Variants in ZNG1F observed in about 807,000 individuals in gnomAD.
ZNG1F encodes Zn regulated GTPase metalloprotein activator 1F.
chr9:41,134,415 T>C, the ZNG1F span, among the ~76,000 whole-genome samples: 833 of 67,962 alleles, frequency 0.012, no homozygotes, highest in African/African-American at 0.04. Context: ...AATATTAACT[T>C]TAGGATTTAT....
At chr9:41,175,313 G>C in the ZNG1F span, among the ~76,000 whole-genome samples, 1 of 139,368 alleles carries the variant, frequency 7.2e-6, no homozygotes, top group Non-Finnish European at 1.5e-5. Context: ...TCCCAAAAAC[G>C]TAATAGTTTT....
At chr9:41,196,738 G>GTA in the ZNG1F span, among the ~76,000 whole-genome samples, 141 of 72,906 alleles carry the variant, frequency 1.9e-3, 6 homozygotes, top group Middle Eastern at 0.033. Flanking sequence ...GTGTGTATGT[G>GTA]TATATATATA....
At chr9:41,185,464 G>C in the ZNG1F span, among the ~76,000 whole-genome samples, 1 of 130,398 alleles carries the variant, frequency 7.7e-6, no homozygotes, top group Admixed American at 8.0e-5. Context: ...CATAAGGCCA[G>C]GAGCTCAAGA....
chr9:41,136,965 T>C, the ZNG1F span, among the ~76,000 whole-genome samples: 1 of 70,018 alleles, frequency 1.4e-5, no homozygotes, highest in African/African-American at 5.5e-5. Flanking sequence ...GTTTCATTTA[T>C]CTTTTGGATT....
the ZNG1F span, among the ~76,000 whole-genome samples, chr9:41,185,205 G>A: frequency 7.1e-6 from 1 of 141,618 alleles, no homozygotes; most frequent in African/African-American, 2.6e-5. Flanking sequence ...TATTTTCACA[G>A]ATAAAATACA....
chr9:41,186,799 AG>A, the ZNG1F span, among the ~76,000 whole-genome samples: 3 of 69,552 alleles, frequency 4.3e-5, 1 homozygote, highest in East Asian at 1.2e-3. Context: ...AAAGTTTTCT[AG>A]TATATAACTA....
At chr9:41,185,091 T>A in the ZNG1F span, among the ~76,000 whole-genome samples, 2 of 145,494 alleles carry the variant, frequency 1.4e-5, no homozygotes, top group African/African-American at 5.1e-5. Context: ...TTACAATTCA[T>A]ACTTATGAAG....
the ZNG1F span, chr9:41,132,131 G>A: frequency 8.4e-6 from 13 of 1,546,626 alleles, no homozygotes; most frequent in Non-Finnish European, 1.1e-5. Flanking sequence ...AGTTTTAAAA[G>A]AGGACCTGAA....
At chr9:41,137,183 T>C in the ZNG1F span, among the ~76,000 whole-genome samples, 1 of 147,652 alleles carries the variant, frequency 6.8e-6, no homozygotes, top group African/African-American at 2.5e-5. Flanking sequence ...GTGTCACTAT[T>C]GTCATTCAGT....
the ZNG1F span, among the ~76,000 whole-genome samples, chr9:41,137,119 C>T: frequency 2.3e-5 from 3 of 130,674 alleles, no homozygotes; most frequent in South Asian, 7.9e-4. Flanking sequence ...GCATTTAGGG[C>T]TATGAACTTT....
chr9:41,150,402 G>A, the ZNG1F span, among the ~76,000 whole-genome samples: 1,600 of 143,456 alleles, frequency 0.011, 39 homozygotes, highest in Middle Eastern at 0.053. Context: ...GGGGAGGGGC[G>A]CCCGCCATTG....
the ZNG1F span, chr9:41,183,439 T>G: frequency 7.5e-4 from 809 of 1,073,798 alleles, 22 homozygotes; most frequent in African/African-American, 0.013. Context: ...TTATTTTCTA[T>G]TTGTTTGAAA....
At chr9:41,150,009 C>T in the ZNG1F span, among the ~76,000 whole-genome samples, 1 of 66,950 alleles carries the variant, frequency 1.5e-5, no homozygotes, top group Non-Finnish European at 3.6e-5. Context: ...CTACAGCTCC[C>T]AGCGTGAGAG....
chr9:41,146,111 G>A, the ZNG1F span: 1 of 146,362 alleles, frequency 6.8e-6, no homozygotes, highest in African/African-American at 2.5e-5. Flanking sequence ...GAGTCTCTTT[G>A]GGGGGTCCTA....
At chr9:41,134,065 T>C in the ZNG1F span, 3 of 358,570 alleles carry the variant, frequency 8.4e-6, no homozygotes, top group African/African-American at 4.3e-5. Context: ...AGAATATATG[T>C]AACACATACA....
At chr9:41,187,181 G>A in the ZNG1F span, among the ~76,000 whole-genome samples, 5 of 144,060 alleles carry the variant, frequency 3.5e-5, no homozygotes, top group Admixed American at 7.2e-5. Flanking sequence ...TTTCTAATAC[G>A]TTACAGATTT....
At chr9:41,152,792 CT>C in the ZNG1F span, among the ~76,000 whole-genome samples, 1 of 34,044 alleles carries the variant, frequency 2.9e-5, no homozygotes, top group African/African-American at 9.1e-5. Flanking sequence ...TAAAGATGTT[CT>C]TTGAAACCAA....
chr9:41,154,565 G>C, the ZNG1F span, among the ~76,000 whole-genome samples: 1 of 141,374 alleles, frequency 7.1e-6, no homozygotes, highest in Non-Finnish European at 1.6e-5. Context: ...TAAGCCAAAA[G>C]AACAAAGCTG....
the ZNG1F span, among the ~76,000 whole-genome samples, chr9:41,178,989 T>TA: frequency 1.8e-5 from 2 of 109,622 alleles, 1 homozygote; most frequent in Admixed American, 2.2e-4. Flanking sequence ...ACTCTCTTGT[T>TA]AGAGGCTAAA....
Sources: gnomAD v4.1 joint callset for allele counts (sites outside exome capture counted in the v4.1 genomes callset) on GRCh38, gnomAD v4.1.1 for gene constraint, MANE v1.5 for transcripts, NCBI Gene and HGNC (gene_info 2026-07-23, HGNC 2026-07-21) for gene names.